POLR3E: variants seen among roughly 807,000 people sequenced by gnomAD.
POLR3E encodes RNA polymerase III subunit E.
In POLR3E, 41 loss-of-function variants were observed where a neutral mutation model predicts 96.6. The ratio of observed to expected loss-of-function variants is 0.42; its 90% CI spans 0.33 to 0.55. The LOEUF (loss-of-function observed/expected upper bound fraction) is 0.55. POLR3E is among the 20% of genes least tolerant of loss of function. The pLI, the probability that POLR3E is intolerant of heterozygous loss-of-function variation, is 0.06. For missense variants in POLR3E, 849 were observed against 952.1 expected (o/e 0.89, Z 1.43); for synonymous variants, 396 against 383.6 (o/e 1.03, Z -0.38).
chr16:22,305,650 C>T (rs946067111), intron 3 of POLR3E, among the ~76,000 whole-genome samples: 3 of 152,014 alleles, frequency 2.0e-5, no homozygotes, highest in East Asian at 1.9e-4. Flanking sequence ...TGATGATGGC[C>T]GCTGTTGTCA....
Position 22,317,054 on chromosome 16 carries a change from C to G in POLR3E, c.773+15C>G, listed in dbSNP as rs1598259103. 2 of 1,613,814 alleles carry G rather than the reference C, an allele frequency of 1.2e-6. No individual in the cohort carries two copies. Among genetic ancestry groups the G allele is most frequent in the Non-Finnish European group, 1.7e-6 (2 of 1,179,664 alleles). ...GAGGAGGAGAAGTGAGTAGAGGCGG[C>G]AGGACACCCTCTCCCTTTCCGGGCT... is the stretch of plus-strand genomic sequence containing the variant. On this transcript the variant is annotated intron_variant, in intron 11 of 20. Coordinates refer to ENST00000299853, the MANE Select transcript of POLR3E (RefSeq NM_018119.4).
chr16:22,316,425 TA>T (rs2048356384), intron 9 of POLR3E, among the ~76,000 whole-genome samples, 175 bp from the exon 10 acceptor site: 1 of 152,300 alleles, frequency 6.6e-6, no homozygotes, highest in African/African-American at 2.4e-5. Flanking sequence ...GGGCAGGTCA[TA>T]AGGCCAGGAA....
At chr16:22,331,783 C>A (rs766887198) in intron 19 of POLR3E, 1 of 284,182 alleles carries the variant, frequency 3.5e-6, no homozygotes, top group Non-Finnish European at 6.8e-6. Context: ...TGTCTCTTCA[C>A]CAGTTCTTTT....
At chr16:22,314,886 C>T in intron 8 of POLR3E, 2 of 491,004 alleles carry the variant, frequency 4.1e-6, no homozygotes, top group Non-Finnish European at 3.6e-6. Flanking sequence ...CAGGCACGAG[C>T]AAGTATAAGC....
rs2048395804 is a variant in POLR3E at position 22,318,051 on chromosome 16, C to T, written c.866-775C>T. On this transcript the variant is annotated intron_variant, in intron 12 of 20. Transcript: ENST00000299853. The surrounding 1 kb of genome is among the most constrained non-coding windows in gnomAD (Gnocchi z 5.0). Reference sequence around the variant, plus strand: ...AGGAGTCTAAGGAGAGAGGGGAGCTCCATGATATGCTCGGGATTTTAGGCT... The same window carrying T: ...AGGAGTCTAAGGAGAGAGGGGAGCTTCATGATATGCTCGGGATTTTAGGCT... Among the ~76,000 whole-genome samples, 1 of 151,980 alleles carries T rather than the reference C, an allele frequency of 6.6e-6. No individual in the cohort carries two copies. Among genetic ancestry groups the T allele is most frequent in the Non-Finnish European group, 1.5e-5 (1 of 67,998 alleles).
intron 19 of POLR3E, among the ~76,000 whole-genome samples, chr16:22,331,218 A>G (rs2048733575): frequency 1.3e-5 from 2 of 152,002 alleles, no homozygotes. Context: ...ACCTCAGGTA[A>G]TCCGCCTGCC....
At chr16:22,299,737 G>A (rs1312949125) in intron 1 of POLR3E, among the ~76,000 whole-genome samples, 2 of 151,578 alleles carry the variant, frequency 1.3e-5, no homozygotes, top group Non-Finnish European at 2.9e-5. Context: ...AGTAGAGATC[G>A]AGTCTCACAC....
At chr16:22,303,772 C>G (rs566125732) in intron 2 of POLR3E, among the ~76,000 whole-genome samples, 1 of 149,370 alleles carries the variant, frequency 6.7e-6, no homozygotes, top group African/African-American at 2.5e-5. Flanking sequence ...TCCTGAGTAG[C>G]TGGGATCACA....
chr16:22,314,153 A>G, intron 8 of POLR3E, 25 bp downstream of exon 8: 5 of 1,607,750 alleles, frequency 3.1e-6, no homozygotes, highest in Non-Finnish European at 4.3e-6. Context: ...CTGGAGGAGG[A>G]GGGTGCTGCC....
intron 6 of POLR3E, among the ~76,000 whole-genome samples, chr16:22,312,243 C>A (rs982492613): frequency 7.9e-5 from 12 of 152,000 alleles, no homozygotes; most frequent in Non-Finnish European, 1.5e-4. Flanking sequence ...GCCTGTAATC[C>A]CAGCACTTTT....
At chr16:22,314,883 G>C in intron 8 of POLR3E, 2 of 481,536 alleles carry the variant, frequency 4.2e-6, no homozygotes, top group South Asian at 5.7e-5. Context: ...GGGCAGGCAC[G>C]AGCAAGTATA....
intron 18 of POLR3E, 177 bp downstream of exon 18, chr16:22,326,455 C>T (rs1180296449): frequency 3.1e-6 from 2 of 647,978 alleles, no homozygotes; most frequent in African/African-American, 3.6e-5. Flanking sequence ...GAAATGGGAT[C>T]ATGTTGGGTT....
chr16:22,307,729 G>C (rs2048162628), intron 3 of POLR3E, among the ~76,000 whole-genome samples: 2 of 152,230 alleles, frequency 1.3e-5, no homozygotes, highest in South Asian at 4.1e-4. Flanking sequence ...TGCCGGTGTT[G>C]CTTTCACTCT....
At chr16:22,305,575 C>T in intron 3 of POLR3E, 1 of 449,768 alleles carries the variant, frequency 2.2e-6, no homozygotes, top group Non-Finnish European at 4.4e-6. Context: ...CATAGGTCCC[C>T]AGGAGGACAG....
At chr16:22,304,261 G>A (rs1049448345) in intron 2 of POLR3E, among the ~76,000 whole-genome samples, 25 of 152,348 alleles carry the variant, frequency 1.6e-4, no homozygotes, top group African/African-American at 4.3e-4. Context: ...CCTCCAGTGG[G>A]AAGGGCAGGG....
At chr16:22,306,498 C>T (rs928776053) in intron 3 of POLR3E, among the ~76,000 whole-genome samples, 2 of 152,194 alleles carry the variant, frequency 1.3e-5, no homozygotes, top group African/African-American at 4.8e-5. Context: ...TGTGATCTGC[C>T]TGCCTCGGCC....
At chr16:22,332,302 C>T in intron 20 of POLR3E, 117 bp downstream of exon 20, 1 of 869,012 alleles carries the variant, frequency 1.2e-6, no homozygotes. Context: ...GGGACCACTC[C>T]CCAGTCAGTC....
At chr16:22,331,168 G>A (rs141117327) in intron 19 of POLR3E, among the ~76,000 whole-genome samples, 3 of 151,844 alleles carry the variant, frequency 2.0e-5, no homozygotes, top group South Asian at 2.1e-4. Context: ...TAGTAGAGAC[G>A]GAGTTTCACC....
Position 22,305,178 on chromosome 16 carries a change from G to T in POLR3E, c.59G>T (p.Ser20Ile). 6.2e-7 allele frequency: 1 copy of T among 1,613,518 alleles called. No individual in the cohort carries two copies. Residue 20 changes from serine (S) to isoleucine (I), a missense_variant, in exon 3 of 21, where the codon AGT becomes ATT. Ser to Ile is a moderately radical substitution (Grantham distance 142). Transcript: ENST00000299853. Reference protein sequence around the residue: ...VQEIDVYLAKSLAEKLYLFQY... With the variant: ...VQEIDVYLAKILAEKLYLFQY... ...CAGATCGATGTGTACTTGGCCAAGA[G>T]TCTGGCGGAAAAGCTGTATCTATTT...
Sources: gnomAD v4.1 joint callset for allele counts (sites outside exome capture counted in the v4.1 genomes callset) on GRCh38, gnomAD v4.1.1 for gene constraint, Gnocchi (gnomAD v3.1) non-coding constraint, MANE v1.5 for transcripts, NCBI Gene and HGNC (gene_info 2026-07-23, HGNC 2026-07-21) for gene names.